TENM1: variants seen among roughly 807,000 people sequenced by gnomAD.
TENM1 encodes the protein teneurin transmembrane protein 1.
TENM1 carries 35 observed loss-of-function variants against 174.8 expected under a neutral mutation model. The ratio of observed to expected loss-of-function variants is 0.20; its 90% CI spans 0.15 to 0.27. The LOEUF (loss-of-function observed/expected upper bound fraction) is 0.27. TENM1 is among the 10% of genes least tolerant of loss of function. The pLI is 1.00. For synonymous variants in TENM1, 781 were observed against 798.7 expected (o/e 0.98, Z 0.37); for missense variants, 1,633 against 2,130.1 (o/e 0.77, Z 4.59).
At chrX:124,479,934 G>A (rs2046808268) in intron 22 of TENM1, among the ~76,000 whole-genome samples, 1 of 111,631 alleles carries the variant, frequency 9.0e-6, no homozygotes, top group Non-Finnish European at 1.9e-5. Context: ...GAAAGAGCTG[G>A]CACAGAGAAA....
chrX:124,793,794 A>G (rs909849677), intron 3 of TENM1, among the ~76,000 whole-genome samples: 2 of 111,423 alleles, frequency 1.8e-5, no homozygotes, highest in Admixed American at 1.9e-4. Flanking sequence ...TTTTATTAAT[A>G]AAAAGGAACT....
At chrX:124,749,683 T>C (rs1253568760) in intron 3 of TENM1, among the ~76,000 whole-genome samples, 2 of 111,853 alleles carry the variant, frequency 1.8e-5, no homozygotes, top group South Asian at 3.7e-4. Context: ...TATTTAGAAA[T>C]GTGGCGCTTT....
At chrX:124,536,155 G>C (rs910525203) in intron 15 of TENM1, among the ~76,000 whole-genome samples, 3 of 111,031 alleles carry the variant, frequency 2.7e-5, no homozygotes, top group Non-Finnish European at 5.7e-5. Context: ...ATATTTTGGG[G>C]GTTTCCTTAC....
intron 11 of TENM1, among the ~76,000 whole-genome samples, chrX:124,584,249 T>G (rs1413658982): frequency 2.1e-4 from 23 of 109,027 alleles, no homozygotes; most frequent in Non-Finnish European, 3.1e-4. Context: ...TCACCAAAGT[T>G]GAAATGAAGG....
At chrX:124,446,895 C>A (rs937194066) in intron 23 of TENM1, among the ~76,000 whole-genome samples, 1 of 112,210 alleles carries the variant, frequency 8.9e-6, no homozygotes, top group Non-Finnish European at 1.9e-5. Flanking sequence ...ATATATGATG[C>A]TGCCATGTAG....
chrX:124,813,210 C>G (rs1160882052), intron 3 of TENM1, among the ~76,000 whole-genome samples: 1 of 108,944 alleles, frequency 9.2e-6, no homozygotes, highest in Non-Finnish European at 1.9e-5. Flanking sequence ...GCCTCTCCTT[C>G]ATAATAAAAT....
chrX:125,161,880 C>T, the TENM1 span, among the ~76,000 whole-genome samples: 2 of 112,166 alleles, frequency 1.8e-5, no homozygotes, highest in African/African-American at 6.5e-5. Context: ...GCTGCATCTC[C>T]AGATCCTGAC....
intron 4 of TENM1, among the ~76,000 whole-genome samples, chrX:124,735,621 A>T (rs1017836333): frequency 8.9e-6 from 1 of 111,921 alleles, no homozygotes; most frequent in Non-Finnish European, 1.9e-5. Flanking sequence ...TTATATCAAA[A>T]AGACACCTGC....
chrX:124,941,898 G>T (rs939392328), intron 1 of TENM1, among the ~76,000 whole-genome samples: 3 of 111,878 alleles, frequency 2.7e-5, no homozygotes, highest in Non-Finnish European at 5.6e-5. Flanking sequence ...CAAAAGGCAT[G>T]TCTTACATGG....
chrX:125,172,755 G>A, the TENM1 span, among the ~76,000 whole-genome samples: 11 of 110,876 alleles, frequency 9.9e-5, no homozygotes, highest in South Asian at 7.6e-4. Flanking sequence ...GATTTTCCCC[G>A]AAATATAGTT....
the TENM1 span, among the ~76,000 whole-genome samples, chrX:125,131,425 G>C: frequency 1.8e-5 from 2 of 111,842 alleles, no homozygotes; most frequent in Non-Finnish European, 3.8e-5. Flanking sequence ...CAAAATGTGG[G>C]AATTTTCTAC....
chrX:124,386,146 A>G (rs1414957030), intron 28 of TENM1, 82 bp from the exon 32 acceptor site: 7 of 941,865 alleles, frequency 7.4e-6, no homozygotes, highest in African/African-American at 2.0e-5. Context: ...TCATCCATTC[A>G]ACACAAATCA....
intron 1 of TENM1, among the ~76,000 whole-genome samples, chrX:124,936,418 T>C (rs771058206): frequency 3.1e-4 from 35 of 111,774 alleles, no homozygotes; most frequent in Admixed American, 5.7e-4. Flanking sequence ...ACACACTAAG[T>C]AGATCCCTAG....
intron 1 of TENM1, 145 bp from the exon 5 acceptor site, chrX:124,896,386 G>A: frequency 1.7e-6 from 1 of 592,349 alleles, no homozygotes. Flanking sequence ...TTTATTCATG[G>A]TAGCTAGGAC....
the TENM1 span, among the ~76,000 whole-genome samples, chrX:125,081,914 C>T: frequency 6.3e-5 from 7 of 110,642 alleles, no homozygotes; most frequent in African/African-American, 2.3e-4. Flanking sequence ...TGCATGTTCT[C>T]GCTCATAAGT....
At chrX:124,964,112 T>C (rs1475614512), upstream of TENM1, among the ~76,000 whole-genome samples, 2 of 112,368 alleles carry the variant, frequency 1.8e-5, no homozygotes, top group African/African-American at 6.5e-5. Flanking sequence ...CGTTGTTCTA[T>C]GGTGTGTGCG....
At chrX:124,645,478 T>C in intron 9 of TENM1, 141 bp from the exon 13 acceptor site, 1 of 511,831 alleles carries the variant, frequency 2.0e-6, no homozygotes, top group Non-Finnish European at 3.1e-6. Flanking sequence ...CACATGTTCA[T>C]GATTACAAAC....
chrX:124,523,268 A>T, intron 17 of TENM1, 96 bp downstream of exon 20: 1 of 914,195 alleles, frequency 1.1e-6, no homozygotes, highest in Non-Finnish European at 1.5e-6. Context: ...CATTATAAGG[A>T]TGGTAACAAG....
intron 14 of TENM1, among the ~76,000 whole-genome samples, chrX:124,557,745 C>G (rs1331790123): frequency 8.9e-6 from 1 of 111,830 alleles, no homozygotes; most frequent in Non-Finnish European, 1.9e-5. Context: ...CTTTAATTAT[C>G]ATAGCTTTCA....
Sources: gnomAD v4.1 joint callset for allele counts (sites outside exome capture counted in the v4.1 genomes callset) on GRCh38, gnomAD v4.1.1 for gene constraint, MANE v1.5 for transcripts, NCBI Gene and HGNC (gene_info 2026-07-23, HGNC 2026-07-21) for gene names.